Variants in ELF2 observed in about 807,000 individuals in gnomAD.
ELF2 encodes the protein E74 like ETS transcription factor 2, also known as ETS-related transcription factor Elf-2.
In ELF2, 11 loss-of-function variants were observed where a neutral mutation model predicts 54.8. The observed-to-expected ratio is 0.20, with a 90% CI of 0.13 to 0.33. The LOEUF is 0.33. Ranked by LOEUF, ELF2 falls within the 10% of genes least tolerant of loss-of-function variation. The probability of loss-of-function intolerance (pLI) is 1.00; values close to 1 mark genes in which losing one functional copy is unlikely to be tolerated. For missense variants in ELF2, 513 were observed against 703.0 expected, an observed-to-expected ratio of 0.73 and a Z score of 3.06; for synonymous variants, 203 against 245.1, an observed-to-expected ratio of 0.83 and a Z score of 1.61.
intron 4 of ELF2, among the ~76,000 whole-genome samples, chr4:139,102,681 AAAT>A (rs2148790217): frequency 7.1e-6 from 1 of 139,998 alleles, no homozygotes; most frequent in East Asian, 2.6e-4. Flanking sequence ...TCTCTACTAA[AAAT>A]AAAAAAATTA....
intron 4 of ELF2, among the ~76,000 whole-genome samples, chr4:139,096,320 G>A (rs1306397803): frequency 6.6e-6 from 1 of 151,614 alleles, no homozygotes; most frequent in Admixed American, 6.6e-5. Flanking sequence ...AATAAATCTG[G>A]GTCTGATGGA....
rs953432373 is a variant in ELF2 at position 139,115,440 on chromosome 4, C to G, written c.238+9724G>C. Reference sequence around the variant, plus strand: ...TGCGCCACCGCCTCCGGGACGCCCCCGGCTGGCTGGGGTTAGCTCGCCGCG... The same window carrying G: ...TGCGCCACCGCCTCCGGGACGCCCCGGGCTGGCTGGGGTTAGCTCGCCGCG... On this transcript the variant is annotated intron_variant, in intron 4 of 9. Transcript: ENST00000686138. The G allele has an allele frequency of 2.3e-4, 227 of 982,802 alleles. No individual in the cohort carries two copies. In the African/African-American group the frequency reaches 3.7e-3, roughly 16 times the overall value. 60.9% of individuals were successfully genotyped at this position (982,802 alleles called of 1,614,324 possible).
chr4:139,104,673 T>C (rs1734247139), intron 4 of ELF2, among the ~76,000 whole-genome samples: 1 of 152,270 alleles, frequency 6.6e-6, no homozygotes, highest in African/African-American at 2.4e-5. Flanking sequence ...TTTCCATCAA[T>C]GAGGACAGGA....
At chr4:139,139,349 A>G (rs1044513626) in intron 2 of ELF2, 64 bp downstream of exon 2, 74 of 811,822 alleles carry the variant, frequency 9.1e-5, no homozygotes, top group Non-Finnish European at 1.1e-4. Context: ...GTCCCATCAT[A>G]CTATCACCAT....
intron 1 of ELF2, among the ~76,000 whole-genome samples, chr4:139,175,703 A>C (rs1426278716): frequency 6.6e-6 from 1 of 152,236 alleles, no homozygotes; most frequent in African/African-American, 2.4e-5. Flanking sequence ...TCTGATTATC[A>C]AACACACGAT....
chr4:139,176,216 C>T (rs1256539756), intron 1 of ELF2, among the ~76,000 whole-genome samples: 1 of 152,324 alleles, frequency 6.6e-6, no homozygotes, highest in African/African-American at 2.4e-5. Flanking sequence ...GAAACAGATT[C>T]CGATCCGAGC....
At chr4:139,114,350 C>T (rs1735301682) in intron 4 of ELF2, among the ~76,000 whole-genome samples, 1 of 152,120 alleles carries the variant, frequency 6.6e-6, no homozygotes, top group African/African-American at 2.4e-5. Context: ...GCAGGCAGAT[C>T]ATGAGGTCAG....
intron 1 of ELF2, among the ~76,000 whole-genome samples, chr4:139,172,882 C>CGG (rs59019279): frequency 3.9e-5 from 2 of 51,158 alleles, no homozygotes; most frequent in African/African-American, 6.2e-5. Flanking sequence ...ACACAGATAA[C>CGG]GGGGGGGGGG....
At chr4:139,098,573 A>T (rs1733535245) in intron 4 of ELF2, among the ~76,000 whole-genome samples, 1 of 151,002 alleles carries the variant, frequency 6.6e-6, no homozygotes, top group African/African-American at 2.4e-5. Context: ...GGTTCAAATG[A>T]TTCTCCTTCC....
chr4:139,157,878 G>A (rs991837301), intron 1 of ELF2, among the ~76,000 whole-genome samples: 6 of 152,162 alleles, frequency 3.9e-5, no homozygotes, highest in Non-Finnish European at 8.8e-5. Context: ...AATATACTCT[G>A]GATAAACTCG....
intron 4 of ELF2, chr4:139,115,457 C>G: frequency 1.0e-6 from 1 of 963,246 alleles, no homozygotes; most frequent in Non-Finnish European, 1.2e-6. Context: ...CTGGGGTTAG[C>G]TCGCCGCGGC....
At chr4:139,122,132 T>C (rs1736423494) in intron 4 of ELF2, among the ~76,000 whole-genome samples, 1 of 152,176 alleles carries the variant, frequency 6.6e-6, no homozygotes, top group Non-Finnish European at 1.5e-5. Flanking sequence ...AACAAGCCAA[T>C]AAATATAACA....
chr4:139,154,525 C>T (rs1740333177), intron 1 of ELF2, among the ~76,000 whole-genome samples: 1 of 151,442 alleles, frequency 6.6e-6, no homozygotes, highest in African/African-American at 2.4e-5. Context: ...GCAACTGTGT[C>T]AGGCAAACTT....
chr4:139,105,931 C>G (rs564361222), intron 4 of ELF2, among the ~76,000 whole-genome samples: 11 of 152,308 alleles, frequency 7.2e-5, no homozygotes, highest in South Asian at 2.1e-4. Flanking sequence ...GCCTTATCAC[C>G]TAGGGACTTG....
intron 3 of ELF2, among the ~76,000 whole-genome samples, chr4:139,132,871 T>TATATAA (rs1434865497): frequency 2.2e-5 from 2 of 89,396 alleles, no homozygotes; most frequent in African/African-American, 3.6e-5. Context: ...TATATATATA[T>TATATAA]ATAAAATATG....
At position 139,137,816 on chromosome 4, in the gene ELF2, G is replaced by T; in HGVS notation, c.-115C>A. On this transcript the variant is annotated 5_prime_UTR_variant, in exon 3 of 10. Coordinates refer to ENST00000686138, the MANE Select transcript of ELF2 (RefSeq NM_001331036.3). ...TGTTTTAAAAGTCAATAGAGATGGA[G>T]TGGAGTAGATATCCAGAAATCCAGT... 1 of 1,455,882 alleles carries T rather than the reference G, an allele frequency of 6.9e-7. No homozygotes were observed. The highest frequency in any genetic ancestry group is 9.1e-7 in the Non-Finnish European group (1 of 1,104,002). The allele number at this position is 1,455,882 out of a possible 1,614,324, so 90.2% of individuals were successfully genotyped here.
intron 4 of ELF2, among the ~76,000 whole-genome samples, chr4:139,074,308 T>C (rs553564098): frequency 1.3e-5 from 2 of 152,270 alleles, no homozygotes; most frequent in African/African-American, 4.8e-5. Context: ...GGCAATTATA[T>C]ATTTTGATGT....
At chr4:139,062,547 A>G (rs550214869) in intron 7 of ELF2, among the ~76,000 whole-genome samples, 1 of 152,384 alleles carries the variant, frequency 6.6e-6, no homozygotes, top group Admixed American at 6.5e-5. Context: ...TCTGGCTTTT[A>G]TACTATTACA....
intron 4 of ELF2, among the ~76,000 whole-genome samples, chr4:139,108,776 G>GA (rs1262005999): frequency 8.6e-5 from 13 of 150,504 alleles, no homozygotes; most frequent in Non-Finnish European, 7.4e-5. Context: ...TCCGTGGGTA[G>GA]AAAAAAAAAT....
Sources: gnomAD v4.1 joint callset for allele counts (sites outside exome capture counted in the v4.1 genomes callset) on GRCh38, gnomAD v4.1.1 for gene constraint, MANE v1.5 for transcripts, NCBI Gene and HGNC (gene_info 2026-07-23, HGNC 2026-07-21) for gene names.